CNTNAP4: variants seen among roughly 807,000 people sequenced by gnomAD.
CNTNAP4 encodes contactin-associated protein-like 4.
In CNTNAP4, 98 loss-of-function variants were observed where a neutral mutation model predicts 148.4. The ratio of observed to expected loss-of-function variants is 0.66; its 90% confidence interval spans 0.56 to 0.78. The LOEUF (loss-of-function observed/expected upper bound fraction) is 0.78, where lower values mean the gene tolerates loss of function less well. Ranked by LOEUF, CNTNAP4 falls within the 30% of genes least tolerant of loss-of-function variation. The pLI is 0.00. For synonymous variants in CNTNAP4, 730 were observed against 565.1 expected (o/e 1.29, Z -4.14); for missense variants, 1,935 against 1,565.6 (o/e 1.24, Z -3.98).
chr16:76,278,284 C>T (rs1407575269), intron 1 of CNTNAP4, among the ~76,000 whole-genome samples: 2 of 152,166 alleles, frequency 1.3e-5, no homozygotes, highest in African/African-American at 4.8e-5. Flanking sequence ...AGGCGAGTCT[C>T]AGTATTAAGA....
rs1185674690 is a variant in CNTNAP4, at chr16:76,521,373, A to G, written c.2536+63A>G. 4.3e-6 allele frequency: 6 copies of G among 1,383,468 alleles called. No homozygotes were observed. The African/African-American group carries it at 5.9e-5, about 14-fold the overall frequency. 85.7% of individuals were successfully genotyped at this position (1,383,468 alleles called of 1,614,324 possible). Reference sequence around the variant, plus strand: ...TCATTTAGTAGTAAATCTTTTAACTAATTTTTAAACTACTCATGTGTCTAC... The same window carrying G: ...TCATTTAGTAGTAAATCTTTTAACTGATTTTTAAACTACTCATGTGTCTAC... On this transcript the variant is annotated intron_variant, in intron 16 of 23. Transcript: ENST00000611870.
At chr16:76,372,884 A>G (rs1198439007) in intron 3 of CNTNAP4, among the ~76,000 whole-genome samples, 7 of 152,280 alleles carry the variant, frequency 4.6e-5, no homozygotes, top group East Asian at 3.9e-4. Flanking sequence ...AAGTGTACCT[A>G]TTTCTTAAGG....
intron 15 of CNTNAP4, among the ~76,000 whole-genome samples, chr16:76,500,984 A>G (rs981296636): frequency 1.3e-5 from 2 of 152,238 alleles, no homozygotes; most frequent in African/African-American, 4.8e-5. Context: ...TAGGGGCACA[A>G]CAGAATAAGA....
chr16:76,537,687 G>A (rs1457408178), intron 18 of CNTNAP4, among the ~76,000 whole-genome samples: 1 of 152,094 alleles, frequency 6.6e-6, no homozygotes, highest in East Asian at 1.9e-4. Context: ...GGAAAGAAGA[G>A]AGTCTCTCAA....
At position 76,489,699 on chromosome 16, in the gene CNTNAP4, C is replaced by A; in HGVS notation, c.1896C>A (p.Thr632=). The change falls in exon 13 of 24, where the codon ACC becomes ACA. Residue 632 remains threonine (T), a synonymous_variant. Coordinates refer to ENST00000611870, the MANE Select transcript of CNTNAP4 (RefSeq NM_033401.5). ...TCTGCATACAAGAAACTGCATGGAC[C>A]ATCATACAGCACAACGGCTCTGACT... ...LYCNMTETAW[T]IIQHNGSDLT... is the part of the protein sequence containing the mutation. 6.3e-7 allele frequency: 1 copy of A among 1,587,530 alleles called. No individual in the cohort carries two copies. The highest frequency in any genetic ancestry group is 1.1e-5 in the South Asian group (1 of 87,238).
chr16:76,521,069 T>A, intron 15 of CNTNAP4, 71 bp from the exon 16 acceptor site: 1 of 1,360,520 alleles, frequency 7.4e-7, no homozygotes, highest in South Asian at 1.3e-5. Flanking sequence ...AACATGTAAT[T>A]GTCATTCATT....
chr16:76,466,649 G>C (rs1180077445), intron 9 of CNTNAP4, among the ~76,000 whole-genome samples: 1 of 151,656 alleles, frequency 6.6e-6, no homozygotes, highest in Non-Finnish European at 1.5e-5. Flanking sequence ...AGACAATAAT[G>C]GTTAATATTA....
chr16:76,524,670 A>G (rs1162245854), intron 17 of CNTNAP4, among the ~76,000 whole-genome samples: 1 of 152,170 alleles, frequency 6.6e-6, no homozygotes, highest in South Asian at 2.1e-4. Flanking sequence ...ATACAATTTT[A>G]ATAAGGATCT....
intron 3 of CNTNAP4, among the ~76,000 whole-genome samples, chr16:76,417,440 T>G (rs2079029888): frequency 6.6e-6 from 1 of 151,494 alleles, no homozygotes; most frequent in African/African-American, 2.4e-5. Flanking sequence ...ACTATTCTAC[T>G]TATTATATAG....
intron 15 of CNTNAP4, among the ~76,000 whole-genome samples, chr16:76,500,347 A>G (rs894111163): frequency 6.6e-6 from 1 of 152,256 alleles, no homozygotes; most frequent in South Asian, 2.1e-4. Context: ...CCTATGAGGT[A>G]CAAAGCTATG....
At chr16:76,383,793 C>T (rs550730912) in intron 3 of CNTNAP4, among the ~76,000 whole-genome samples, 2 of 152,088 alleles carry the variant, frequency 1.3e-5, no homozygotes, top group South Asian at 2.1e-4. Flanking sequence ...TTAAAATAAT[C>T]GAGTTGTAAA....
In CNTNAP4 at chr16:76,535,782, A is replaced by G; in HGVS notation, c.2993A>G (p.Asn998Ser). 1 of 1,612,962 alleles carries G rather than the reference A, an allele frequency of 6.2e-7. No individual in the cohort carries two copies. Among genetic ancestry groups the G allele is most frequent in the Non-Finnish European group, 8.5e-7 (1 of 1,179,258 alleles). Residue 998 changes from asparagine (N) to serine (S), a missense_variant and splice_region_variant, in exon 18 of 24, where the codon AAT (asparagine) becomes AGT (serine). Coordinates refer to ENST00000611870, the MANE Select transcript of CNTNAP4 (RefSeq NM_033401.5). ...FSAYTGPFCS[N>S]EISAYFGSGS... ...GCATACACAGGGCCATTCTGCTCAAATGGTAAGTGTGGCATGGAAGACTGT... is the reference window on the plus strand; with the variant it reads ...GCATACACAGGGCCATTCTGCTCAAGTGGTAAGTGTGGCATGGAAGACTGT...
intron 3 of CNTNAP4, among the ~76,000 whole-genome samples, chr16:76,377,346 A>G (rs1436809290): frequency 6.6e-6 from 1 of 152,334 alleles, no homozygotes; most frequent in Admixed American, 6.5e-5. Flanking sequence ...AACTTTAACC[A>G]TCACAAAGAT....
chr16:76,455,567 C>G (rs574691095), intron 8 of CNTNAP4, among the ~76,000 whole-genome samples: 1 of 152,292 alleles, frequency 6.6e-6, no homozygotes, highest in South Asian at 2.1e-4. Context: ...TGCTCTCCAC[C>G]AAAGTGATGG....
chr16:76,361,745 G>A (rs2013465023), intron 3 of CNTNAP4, among the ~76,000 whole-genome samples: 1 of 152,202 alleles, frequency 6.6e-6, no homozygotes, highest in African/African-American at 2.4e-5. Context: ...ACTGCATGCT[G>A]TTTTCCATGG....
At chr16:76,498,776 A>G (rs1031889957) in intron 15 of CNTNAP4, 82 bp downstream of exon 15, 7 of 1,332,582 alleles carry the variant, frequency 5.3e-6, no homozygotes, top group East Asian at 5.1e-5. Context: ...TCACGTTTCT[A>G]TCATATAATA....
At chr16:76,418,292 TTTTTC>T (rs1488208669) in intron 3 of CNTNAP4, among the ~76,000 whole-genome samples, 1 of 150,838 alleles carries the variant, frequency 6.6e-6, no homozygotes, top group Admixed American at 6.6e-5. Context: ...ATGCTTTTCT[TTTTTC>T]TTTTTCTATT....
chr16:76,498,733 A>AG, intron 15 of CNTNAP4, 39 bp downstream of exon 15: 1 of 1,545,696 alleles, frequency 6.5e-7, no homozygotes, highest in Non-Finnish European at 8.7e-7. Flanking sequence ...ATTTGAGAAA[A>AG]GAACCATGAC....
At chr16:76,460,048 CAT>C (rs1416240608) in intron 8 of CNTNAP4, among the ~76,000 whole-genome samples, 2 of 152,238 alleles carry the variant, frequency 1.3e-5, no homozygotes, top group African/African-American at 4.8e-5. Context: ...TAGAAACAAT[CAT>C]ATTTTTCCTT....
Sources: allele counts gnomAD v4.1 joint callset (sites outside exome capture counted in the v4.1 genomes callset), GRCh38; gene constraint gnomAD v4.1.1; transcripts MANE v1.5; gene names NCBI Gene and HGNC (gene_info 2026-07-23, HGNC 2026-07-21).